The following CKMT2 variants were observed in gnomAD, a reference collection of about 807,000 sequenced individuals.
CKMT2 encodes the protein creatine kinase, mitochondrial 2.
CKMT2 carries 43 observed loss-of-function variants against 48.9 expected under a neutral mutation model. That is an observed-to-expected ratio of 0.88 (90% CI 0.69 to 1.13). The LOEUF is 1.13. CKMT2 is among the 50% of genes most tolerant of loss of function. CKMT2 has a pLI of 0.00. For synonymous variants in CKMT2, 206 were observed against 213.0 expected, an observed-to-expected ratio of 0.97 and a Z score of 0.29; for missense variants, 472 against 555.4, an observed-to-expected ratio of 0.85 and a Z score of 1.51.
At chr5:81,244,033 C>T (rs1191081540) in intron 1 of CKMT2, 1 of 985,230 alleles carries the variant, frequency 1.0e-6, no homozygotes, top group African/African-American at 1.7e-5. Flanking sequence ...CCTCTTTCCC[C>T]AAAAATAGAT....
intron 2 of CKMT2, 133 bp from the exon 3 acceptor site, chr5:81,252,562 C>A: frequency 4.8e-6 from 4 of 833,614 alleles, no homozygotes; most frequent in East Asian, 2.5e-5. Flanking sequence ...GACTCCTAGG[C>A]AGTTCTAGCC....
chr5:81,264,954 T>C (rs921014304), intron 9 of CKMT2, among the ~76,000 whole-genome samples: 5 of 152,162 alleles, frequency 3.3e-5, no homozygotes, highest in African/African-American at 9.6e-5. Flanking sequence ...ATGAACATTT[T>C]CCCACAATAT....
chr5:81,236,488 T>C (rs1420006829), intron 1 of CKMT2, among the ~76,000 whole-genome samples: 1 of 152,182 alleles, frequency 6.6e-6, no homozygotes, highest in Non-Finnish European at 1.5e-5. Context: ...CTTGGCAGGA[T>C]TGTTACATAG....
intron 7 of CKMT2, among the ~76,000 whole-genome samples, chr5:81,258,557 CA>C (rs1757095723): frequency 6.6e-6 from 1 of 152,142 alleles, no homozygotes; most frequent in Non-Finnish European, 1.5e-5. Flanking sequence ...TGCTTTACAT[CA>C]GGGGTCCTCA....
At chr5:81,237,176 A>G (rs1184532602) in intron 1 of CKMT2, among the ~76,000 whole-genome samples, 6 of 152,230 alleles carry the variant, frequency 3.9e-5, no homozygotes. Context: ...TAAATGCGAA[A>G]AATGTAAGTT....
intron 8 of CKMT2, among the ~76,000 whole-genome samples, chr5:81,262,170 C>T (rs538845163): frequency 6.6e-6 from 1 of 152,168 alleles, no homozygotes; most frequent in Admixed American, 6.5e-5. Context: ...CCCTTCCTTA[C>T]ACTTTATACA....
intron 1 of CKMT2, among the ~76,000 whole-genome samples, chr5:81,248,747 G>T (rs573077756): frequency 2.0e-5 from 3 of 152,130 alleles, no homozygotes; most frequent in Non-Finnish European, 2.9e-5. Context: ...TGATTTCCTG[G>T]GCTATCCTGT....
chr5:81,260,441 G>A lies in CKMT2; in HGVS notation c.1014+1187G>A, dbSNP rs190395641. Among the ~76,000 whole-genome samples the A allele has an allele frequency of 3.9e-4, 60 of 152,098 alleles. No individual in the cohort carries two copies. The South Asian group carries it at 3.9e-3, about 10-fold the overall frequency. On this transcript the variant is annotated intron_variant, in intron 8 of 9. Coordinates refer to ENST00000254035, the MANE Select transcript of CKMT2 (RefSeq NM_001099735.2). ...TCAAAAAATCAGTGAATCCAGGAGC[G>A]GGTTTTTTGAAAAGATTAACAAAAT...
intron 1 of CKMT2, chr5:81,238,670 C>CCCTGCCTCTGCCACTCATGGCT (rs1337328259): frequency 1.2e-4 from 18 of 152,604 alleles, no homozygotes; most frequent in African/African-American, 3.9e-4. Flanking sequence ...GCAGTCCCTC[C>CCCTGCCTCTGCCACTCATGGCT]CCTGCCTCTG....
chr5:81,240,422 G>C (rs1365765735), intron 1 of CKMT2, among the ~76,000 whole-genome samples: 1 of 152,208 alleles, frequency 6.6e-6, no homozygotes, highest in East Asian at 1.9e-4. Flanking sequence ...CAGAGGAATG[G>C]GGGCACACGG....
At chr5:81,255,874 C>G (rs1756992123) in intron 5 of CKMT2, among the ~76,000 whole-genome samples, 1 of 151,324 alleles carries the variant, frequency 6.6e-6, no homozygotes, top group Non-Finnish European at 1.5e-5. Flanking sequence ...GATGCAAATG[C>G]TAAGAAATAT....
intron 9 of CKMT2, among the ~76,000 whole-genome samples, chr5:81,264,160 G>A (rs1018069756): frequency 2.0e-5 from 3 of 152,170 alleles, no homozygotes; most frequent in Non-Finnish European, 4.4e-5. Context: ...AAAATCCTTA[G>A]GATTCTGTGA....
chr5:81,255,703 A>G (rs1050717035), intron 5 of CKMT2, among the ~76,000 whole-genome samples: 4 of 151,964 alleles, frequency 2.6e-5, no homozygotes, highest in African/African-American at 9.7e-5. Flanking sequence ...TGCTTCCACC[A>G]TGTCTACCAC....
At chr5:81,249,503 T>C (rs1157952101) in intron 1 of CKMT2, among the ~76,000 whole-genome samples, 2 of 152,238 alleles carry the variant, frequency 1.3e-5, no homozygotes, top group Non-Finnish European at 2.9e-5. Flanking sequence ...GTGGGGCTAA[T>C]TGGCCCTTCT....
chr5:81,249,729 CTGT>C (rs1756739545), intron 1 of CKMT2, among the ~76,000 whole-genome samples: 2 of 152,044 alleles, frequency 1.3e-5, no homozygotes, highest in South Asian at 4.2e-4. Context: ...TGTTATTGAT[CTGT>C]TTTTTATCAA....
Position 81,266,326 on chromosome 5 carries a change from A to T in CKMT2, c.*68A>T, listed in dbSNP as rs1757384537. 6.7e-7 allele frequency: 1 copy of T among 1,484,476 alleles called. No homozygotes were observed. Among genetic ancestry groups the T allele is most frequent in the South Asian group, 1.2e-5 (1 of 84,578 alleles). The allele number at this position is 1,484,476 out of a possible 1,614,324, so 92.0% of individuals were successfully genotyped here. On this transcript the variant is annotated 3_prime_UTR_variant, in exon 10 of 10. Transcript: ENST00000254035. ...GACAGACATAAATCTCTACTCTGAG[A>T]GTTTTTATACACTTGGAAAAATATA...
intron 7 of CKMT2, 82 bp from the exon 8 acceptor site, chr5:81,259,036 ATC>A (rs746072985): frequency 1.5e-4 from 206 of 1,338,408 alleles, no homozygotes; most frequent in Middle Eastern, 2.4e-4. Context: ...GAGGGTACAC[ATC>A]TCTCTCTCTG....
At chr5:81,242,355 TTGA>T (rs1429152213) in intron 1 of CKMT2, 39 of 439,060 alleles carry the variant, frequency 8.9e-5, no homozygotes, top group Non-Finnish European at 1.3e-5. Context: ...GAAGTACTCT[TTGA>T]TGACATCCTT....
intron 1 of CKMT2, among the ~76,000 whole-genome samples, chr5:81,234,088 T>C (rs1053820176): frequency 9.0e-5 from 12 of 133,482 alleles, no homozygotes; most frequent in Admixed American, 1.6e-4. Flanking sequence ...GGCAGAGGCC[T>C]GTTCTTCACT....
Sources: gnomAD v4.1 joint callset for allele counts (sites outside exome capture counted in the v4.1 genomes callset) on GRCh38, gnomAD v4.1.1 for gene constraint, MANE v1.5 for transcripts, NCBI Gene and HGNC (gene_info 2026-07-23, HGNC 2026-07-21) for gene names.